The following NFIA variants were observed in gnomAD, a reference collection of about 807,000 sequenced individuals.
NFIA encodes nuclear factor I A.
In NFIA, 8 loss-of-function variants were observed where a neutral mutation model predicts 62.8. The observed-to-expected ratio is 0.13, with a 90% CI of 0.07 to 0.23. The LOEUF is 0.23. Among genes scored for constraint, NFIA ranks in the 10% least tolerant of loss-of-function variants. NFIA has a pLI of 1.00. For missense variants in NFIA, 410 were observed against 642.1 expected (o/e 0.64, Z 3.91); for synonymous variants, 235 against 238.1 (o/e 0.99, Z 0.12).
chr1:61,428,269 G>A (rs925959462), intron 10 of NFIA, among the ~76,000 whole-genome samples: 4 of 151,910 alleles, frequency 2.6e-5, no homozygotes, highest in Admixed American at 1.3e-4. Context: ...ACTTAACCCA[G>A]AATCTGAGTT....
chr1:61,173,124 G>C (rs1368758817), intron 2 of NFIA, among the ~76,000 whole-genome samples: 1 of 152,150 alleles, frequency 6.6e-6, no homozygotes, highest in African/African-American at 2.4e-5. Context: ...TTTTACCCTA[G>C]CTCAAAAGCC....
At chr1:61,262,177 G>C (rs960237495) in intron 2 of NFIA, among the ~76,000 whole-genome samples, 3 of 152,118 alleles carry the variant, frequency 2.0e-5, no homozygotes, top group Non-Finnish European at 4.4e-5. Flanking sequence ...GGAGTTTTGA[G>C]TGATTTATGA....
intron 6 of NFIA, among the ~76,000 whole-genome samples, chr1:61,373,802 TAA>T (rs11389337): frequency 1.4e-5 from 2 of 147,364 alleles, no homozygotes; most frequent in Non-Finnish European, 1.5e-5. Flanking sequence ...TTTTGGAAGT[TAA>T]AAAAAAAAAG....
chr1:61,249,310 T>C (rs1249175769), intron 2 of NFIA, among the ~76,000 whole-genome samples: 4 of 152,192 alleles, frequency 2.6e-5, no homozygotes, highest in African/African-American at 9.6e-5. Context: ...AAGGAAATAA[T>C]TTCTACAAAT....
At chr1:61,356,109 T>G (rs1469441156) in intron 5 of NFIA, among the ~76,000 whole-genome samples, 1 of 152,230 alleles carries the variant, frequency 6.6e-6, no homozygotes, top group African/African-American at 2.4e-5. Context: ...TGAATTATAC[T>G]TGGATGAATC....
chr1:61,333,537 CAG>C (rs1432182820), intron 4 of NFIA, among the ~76,000 whole-genome samples: 1 of 152,202 alleles, frequency 6.6e-6, no homozygotes, highest in African/African-American at 2.4e-5. Flanking sequence ...AGTGTGGGAA[CAG>C]GGGAGAATCT....
At chr1:61,409,168 G>T (rs942743243) in intron 9 of NFIA, among the ~76,000 whole-genome samples, 1 of 152,182 alleles carries the variant, frequency 6.6e-6, no homozygotes, top group African/African-American at 2.4e-5. Context: ...TGGGGTGGGG[G>T]TGAGAGAATA....
chr1:61,411,315 G>C (rs115577264), intron 9 of NFIA, among the ~76,000 whole-genome samples: 1 of 152,106 alleles, frequency 6.6e-6, no homozygotes, highest in African/African-American at 2.4e-5. Context: ...AGCGCCCTAA[G>C]AAGTAGGGAA....
intron 6 of NFIA, among the ~76,000 whole-genome samples, chr1:61,378,808 C>T (rs1313234744): frequency 1.3e-5 from 2 of 152,308 alleles, no homozygotes; most frequent in Admixed American, 6.5e-5. Context: ...AAGGTCCCTG[C>T]TTTCTGAAAG....
intron 6 of NFIA, among the ~76,000 whole-genome samples, chr1:61,376,494 G>C (rs748388663): frequency 2.0e-5 from 3 of 152,140 alleles, no homozygotes; most frequent in Non-Finnish European, 2.9e-5. Flanking sequence ...TTCTGTGTTA[G>C]AATCGCTGAT....
intron 3 of NFIA, among the ~76,000 whole-genome samples, chr1:61,315,852 T>C (rs768499688): frequency 9.2e-5 from 14 of 152,336 alleles, no homozygotes; most frequent in Admixed American, 2.0e-4. Flanking sequence ...ACAGAATGCA[T>C]ATTTATTTTC....
At chr1:61,173,989 A>G (rs768296513) in intron 2 of NFIA, among the ~76,000 whole-genome samples, 2 of 152,192 alleles carry the variant, frequency 1.3e-5, no homozygotes, top group African/African-American at 2.4e-5. Flanking sequence ...GGAAAAGTGA[A>G]TAGAGATAAA....
chr1:61,317,188 A>G (rs995970553), intron 3 of NFIA, among the ~76,000 whole-genome samples: 1 of 152,116 alleles, frequency 6.6e-6, no homozygotes, highest in Admixed American at 6.6e-5. Flanking sequence ...TGAAACTGGA[A>G]AAAGGAGGCC....
chr1:61,355,341 T>G (rs1280043075), intron 5 of NFIA, among the ~76,000 whole-genome samples: 1 of 152,166 alleles, frequency 6.6e-6, no homozygotes, highest in Non-Finnish European at 1.5e-5. Context: ...GTAGATAATG[T>G]GATGCAATGG....
intron 3 of NFIA, among the ~76,000 whole-genome samples, chr1:61,319,891 G>A (rs1423653950): frequency 6.6e-6 from 1 of 150,868 alleles, no homozygotes; most frequent in Non-Finnish European, 1.5e-5. Flanking sequence ...TTTCTAATCA[G>A]CACTCTGATC....
chr1:61,116,200 T>C (rs1646790983), intron 2 of NFIA, among the ~76,000 whole-genome samples: 1 of 152,160 alleles, frequency 6.6e-6, no homozygotes, highest in Non-Finnish European at 1.5e-5. Flanking sequence ...TTCTCAGTTA[T>C]CAGTAGAATT....
intron 10 of NFIA, among the ~76,000 whole-genome samples, chr1:61,448,216 A>G (rs1451362153): frequency 1.3e-5 from 2 of 152,096 alleles, no homozygotes; most frequent in Admixed American, 1.3e-4. Flanking sequence ...TTGCAAGGCA[A>G]GGGCCCAAAT....
At chr1:61,387,286 A>T (rs141107263) in intron 7 of NFIA, among the ~76,000 whole-genome samples, 1 of 152,120 alleles carries the variant, frequency 6.6e-6, no homozygotes, top group Non-Finnish European at 1.5e-5. Flanking sequence ...GAATTGTATT[A>T]TGTTAGGAGC....
At chr1:61,140,965 G>GTTT (rs35173386) in intron 2 of NFIA, among the ~76,000 whole-genome samples, 46 of 88,622 alleles carry the variant, frequency 5.2e-4, no homozygotes, top group East Asian at 1.3e-3. Flanking sequence ...CCACAGCTGG[G>GTTT]TTTTTTTTTT....
Sources: gnomAD v4.1 joint callset for allele counts (sites outside exome capture counted in the v4.1 genomes callset) on GRCh38, gnomAD v4.1.1 for gene constraint, MANE v1.5 for transcripts, NCBI Gene and HGNC (gene_info 2026-07-23, HGNC 2026-07-21) for gene names.